RGS12: variants seen among roughly 807,000 people sequenced by gnomAD.
The protein encoded by RGS12 is regulator of G protein signaling 12.
Under a neutral mutation model 120.1 loss-of-function variants are expected in RGS12, and 66 were observed. The ratio of observed to expected loss-of-function variants is 0.55; its 90% CI spans 0.45 to 0.67. The LOEUF is 0.67. Ranked by LOEUF, RGS12 falls within the 30% of genes least tolerant of loss-of-function variation. The pLI, the probability that RGS12 is intolerant of heterozygous loss-of-function variation, is 0.00. For missense variants in RGS12, 1,859 were observed against 1,957.7 expected (o/e 0.95, Z 0.95); for synonymous variants, 827 against 804.7 (o/e 1.03, Z -0.47).
chr4:3,410,504 T>C (rs1203061897), intron 4 of RGS12, among the ~76,000 whole-genome samples: 2 of 152,242 alleles, frequency 1.3e-5, no homozygotes, highest in Non-Finnish European at 1.5e-5. Context: ...CAGCCAGCTC[T>C]GGTCTTCCGT....
chr4:3,421,638 T>C (rs568292336), intron 10 of RGS12, among the ~76,000 whole-genome samples: 2 of 152,340 alleles, frequency 1.3e-5, no homozygotes, highest in East Asian at 3.9e-4. Flanking sequence ...GGACCCTTCG[T>C]TCGCCTCACT....
chr4:3,417,840 C>T (rs1363068455), intron 9 of RGS12: 1 of 331,208 alleles, frequency 3.0e-6, no homozygotes, highest in Non-Finnish European at 5.5e-6. Flanking sequence ...ACATCTGTGT[C>T]CTCTCCTGCT....
At chr4:3,414,302 A>C in intron 5 of RGS12, 61 bp downstream of exon 5, 1 of 1,467,670 alleles carries the variant, frequency 6.8e-7, no homozygotes, top group Admixed American at 2.2e-5. Context: ...ACTACCGAGC[A>C]GGATCTGTGG....
chr4:3,349,113 C>T (rs1481083288), intron 3 of RGS12, among the ~76,000 whole-genome samples: 4 of 152,294 alleles, frequency 2.6e-5, no homozygotes, highest in Middle Eastern at 3.4e-3. Context: ...CTAACATAAG[C>T]GACCACGTTT....
intron 4 of RGS12, among the ~76,000 whole-genome samples, chr4:3,393,443 C>T (rs1719708516): frequency 6.6e-6 from 1 of 152,180 alleles, no homozygotes. Context: ...CAGCTCCAGC[C>T]ACCCTGGCCT....
At chr4:3,429,086 A>C (rs1723973084) in intron 16 of RGS12, among the ~76,000 whole-genome samples, 1 of 152,138 alleles carries the variant, frequency 6.6e-6, no homozygotes, top group Non-Finnish European at 1.5e-5. Context: ...TAGAGAGTCC[A>C]CCCTAGGCAG....
intron 17 of RGS12, among the ~76,000 whole-genome samples, chr4:3,438,069 C>T (rs1030822826): frequency 2.2e-4 from 34 of 151,988 alleles, no homozygotes; most frequent in African/African-American, 7.2e-5. Flanking sequence ...CCCAGGCCTT[C>T]GATTCACCTG....
At position 3,298,155 on chromosome 4, in the gene RGS12, T is replaced by C. The variant is rs187260668; in HGVS notation, c.-102+5056T>C. Among the ~76,000 whole-genome samples, 20 of 152,328 alleles carry C rather than the reference T, an allele frequency of 1.3e-4. 1 individual carries two copies. The East Asian group carries it at 2.9e-3, about 22-fold the overall frequency. On this transcript the variant is annotated intron_variant, in intron 1 of 17. Transcript: ENST00000336727. ...CTCAGTGTTCTGAGAAGCCCGATAA[T>C]GGCATCTGCTTCCGTTTATTGTGCT...
At chr4:3,301,747 C>T (rs1723700711) in intron 1 of RGS12, among the ~76,000 whole-genome samples, 1 of 150,042 alleles carries the variant, frequency 6.7e-6, no homozygotes. Context: ...TCCAAGGAAG[C>T]AGGTATGAGG....
At chr4:3,383,449 A>G (rs10012797) in intron 3 of RGS12, among the ~76,000 whole-genome samples, 2 of 152,048 alleles carry the variant, frequency 1.3e-5, no homozygotes, top group Non-Finnish European at 2.9e-5. Flanking sequence ...TCTACAAAAA[A>G]TACACAAAGT....
chr4:3,304,554 G>A (rs533193869), intron 1 of RGS12, among the ~76,000 whole-genome samples: 13 of 152,320 alleles, frequency 8.5e-5, no homozygotes, highest in African/African-American at 2.6e-4. Context: ...GCCTCCAGTC[G>A]TGGTGCTGGA....
At chr4:3,370,333 C>T (rs769028914) in intron 3 of RGS12, 240 of 1,613,236 alleles carry the variant, frequency 1.5e-4, no homozygotes, top group Middle Eastern at 3.3e-4. Context: ...TAAGTAGTTC[C>T]GGCTTTTTCT....
At chr4:3,307,104 C>T (rs923233587) in intron 1 of RGS12, among the ~76,000 whole-genome samples, 6 of 152,226 alleles carry the variant, frequency 3.9e-5, no homozygotes, top group African/African-American at 1.4e-4. Context: ...CCATCGTTCA[C>T]ACCTCTTAAC....
At chr4:3,323,083 T>G (rs1338309059) in intron 2 of RGS12, among the ~76,000 whole-genome samples, 2 of 152,126 alleles carry the variant, frequency 1.3e-5, no homozygotes, top group African/African-American at 4.8e-5. Flanking sequence ...TACAGAAGCC[T>G]CAAGCCCGTG....
intron 3 of RGS12, among the ~76,000 whole-genome samples, chr4:3,357,709 T>C (rs1296559267): frequency 6.6e-6 from 1 of 152,174 alleles, no homozygotes; most frequent in African/African-American, 2.4e-5. Context: ...TCCTGTTCTA[T>C]TCCATTAGTC....
rs1722531151 is a variant in RGS12, at chr4:3,417,454, A to C, written c.2674A>C (p.Lys892Gln). 1.9e-6 allele frequency: 3 copies of C among 1,612,582 alleles called. No homozygotes were observed. In the East Asian group the frequency reaches 6.7e-5, roughly 36 times the overall value. Residue 892 changes from lysine (K) to glutamine (Q), a missense_variant, in exon 9 of 18, where the codon AAG (lysine) becomes CAG (glutamine). This residue lies in a region of RGS12 where 375 missense variants were observed against 475.0 expected (regional missense o/e 0.79). Coordinates refer to ENST00000336727, the MANE Select transcript of RGS12 (RefSeq NM_001394154.1). ...GCTGGGGGATGAGGACAGCGAGAAG[A>C]AGCGGAAAGGCGCGTTTTTCTCGTG... ...EELGDEDSEK[K>Q]RKGAFFSWSR...
chr4:3,422,476 C>T lies in RGS12; in HGVS notation c.2939C>T (p.Ala980Val), dbSNP rs144503690. The change falls in exon 11 of 18, where the codon GCG becomes GTG. Residue 980 changes from alanine (A) to valine (V), a missense_variant. Physicochemically the swap from Ala to Val is moderately conservative, Grantham distance 64. This residue lies in a region of RGS12 where 375 missense variants were observed against 475.0 expected (regional missense o/e 0.79). Transcript: ENST00000336727. ...ACATCCTGCGTGGTGGCTGTCAAGG[C>T]GGGCTTCTCCATCAAAGACATCCTG... ...DGTSCVVAVK[A>V]GFSIKDILSG... 27 of 1,612,974 alleles carry T rather than the reference C, an allele frequency of 1.7e-5. No homozygotes were observed. The highest frequency in any genetic ancestry group is 1.0e-4 in the Admixed American group (6 of 60,010).
intron 4 of RGS12, among the ~76,000 whole-genome samples, chr4:3,402,494 T>C (rs1331496847): frequency 6.6e-6 from 1 of 152,190 alleles, no homozygotes; most frequent in African/African-American, 2.4e-5. Flanking sequence ...ACTCTTTCAG[T>C]GGAAGCACAG....
At chr4:3,386,784 C>T (rs2108970990) in intron 4 of RGS12, among the ~76,000 whole-genome samples, 1 of 152,292 alleles carries the variant, frequency 6.6e-6, no homozygotes, top group South Asian at 2.1e-4. Flanking sequence ...TTTAAACCAG[C>T]AAGTTAAGAT....
Sources: allele counts gnomAD v4.1 joint callset (sites outside exome capture counted in the v4.1 genomes callset), GRCh38; gene constraint gnomAD v4.1.1; regional missense constraint gnomAD v4.1.1; transcripts MANE v1.5; gene names NCBI Gene and HGNC (gene_info 2026-07-23, HGNC 2026-07-21).